Variants in TRERF1 observed in about 807,000 individuals in gnomAD.
The protein encoded by TRERF1 is transcriptional regulating factor 1.
Under a neutral mutation model 122.9 loss-of-function variants are expected in TRERF1, and 27 were observed. That is an observed-to-expected ratio of 0.22 (90% CI 0.16 to 0.30). TRERF1 has a LOEUF of 0.30. Ranked by LOEUF, TRERF1 falls within the 10% of genes least tolerant of loss-of-function variation. The probability of loss-of-function intolerance (pLI) is 1.00; values close to 1 mark genes in which losing one functional copy is unlikely to be tolerated. For synonymous variants in TRERF1, 636 were observed against 641.7 expected (o/e 0.99, Z 0.13); for missense variants, 1,248 against 1,560.3 (o/e 0.80, Z 3.37).
chr6:42,348,720 A>T (rs1360690464), intron 3 of TRERF1, among the ~76,000 whole-genome samples: 1 of 152,226 alleles, frequency 6.6e-6, no homozygotes, highest in East Asian at 1.9e-4. Flanking sequence ...ATATTCACTA[A>T]GTATGAGCAG....
intron 3 of TRERF1, among the ~76,000 whole-genome samples, chr6:42,346,600 G>A (rs1054644329): frequency 1.3e-5 from 2 of 152,136 alleles, no homozygotes; most frequent in Non-Finnish European, 1.5e-5. Flanking sequence ...GGAGGAAAGA[G>A]GCCAAGTCAA....
intron 2 of TRERF1, among the ~76,000 whole-genome samples, chr6:42,391,164 A>T (rs1777673199): frequency 6.6e-6 from 1 of 152,216 alleles, no homozygotes; most frequent in South Asian, 2.1e-4. Flanking sequence ...CATCTCCCAG[A>T]ACAGGGCTTT....
chr6:42,350,479 C>A (rs2150817927), intron 3 of TRERF1, among the ~76,000 whole-genome samples: 1 of 152,320 alleles, frequency 6.6e-6, no homozygotes, highest in East Asian at 1.9e-4. Context: ...CAGATGCCAC[C>A]TCTCAGCCTG....
intron 2 of TRERF1, among the ~76,000 whole-genome samples, chr6:42,365,139 C>T (rs530639666): frequency 1.6e-4 from 25 of 152,240 alleles, no homozygotes; most frequent in African/African-American, 5.5e-4. Flanking sequence ...CTGGGGTGCA[C>T]GTCCCACTGT....
At chr6:42,233,903 C>A (rs1260722176) in intron 16 of TRERF1, among the ~76,000 whole-genome samples, 1 of 152,124 alleles carries the variant, frequency 6.6e-6, no homozygotes, top group Non-Finnish European at 1.5e-5. Context: ...ATGTTTAAGA[C>A]CCCCAAATTT....
chr6:42,265,949 C>T (rs1457318971), intron 5 of TRERF1, 152 bp from the exon 6 acceptor site: 1 of 767,648 alleles, frequency 1.3e-6, no homozygotes, highest in Non-Finnish European at 2.2e-6. Flanking sequence ...CCACTCACTC[C>T]CTCACTCTTC....
chr6:42,316,480 A>G (rs1762520626), intron 3 of TRERF1, among the ~76,000 whole-genome samples: 1 of 152,206 alleles, frequency 6.6e-6, no homozygotes, highest in Admixed American at 6.5e-5. Flanking sequence ...TGTGTGCACA[A>G]GCAGGCAGAC....
Position 42,228,590 on chromosome 6 carries a change from G to C in TRERF1, c.3358C>G (p.Gln1120Glu). 6.2e-7 allele frequency: 1 copy of C among 1,614,212 alleles called. No homozygotes were observed. Among genetic ancestry groups the C allele is most frequent in the African/African-American group, 1.3e-5 (1 of 75,060 alleles). ...ATCTCAGCTGCAAAAGCCGCCTTCT[G>C]AGCCTTTTGCCTCTGTTGTTCCTCC... is the stretch of plus-strand genomic sequence containing the variant. Residue 1120 changes from glutamine (Q) to glutamate (E), a missense_variant, in exon 18 of 18, where the codon CAG becomes GAG. Transcript: ENST00000372922. This position sits in a 1 kb window ranked among gnomAD's most constrained non-coding sequence, Gnocchi z 4.2.
At chr6:42,271,966 G>C (rs1780294897) in intron 4 of TRERF1, among the ~76,000 whole-genome samples, 1 of 152,162 alleles carries the variant, frequency 6.6e-6, no homozygotes, top group Non-Finnish European at 1.5e-5. Flanking sequence ...CTATTAAAGA[G>C]GGTGTTCATG....
At chr6:42,225,387 T>C (rs1769383199) in exon 18 of TRERF1, 1 of 152,010 alleles carries the variant, frequency 6.6e-6, no homozygotes, top group South Asian at 2.1e-4. Context: ...GGAAGAAACA[T>C]TTTTAGCAAA....
chr6:42,243,740 C>G (rs563784858), intron 14 of TRERF1, among the ~76,000 whole-genome samples: 1 of 151,982 alleles, frequency 6.6e-6, no homozygotes, highest in East Asian at 1.9e-4. Flanking sequence ...GCCACCATGC[C>G]CGGCTAATTT....
At chr6:42,376,941 C>G (rs1313491696) in intron 2 of TRERF1, among the ~76,000 whole-genome samples, 1 of 152,002 alleles carries the variant, frequency 6.6e-6, no homozygotes, top group African/African-American at 2.4e-5. Flanking sequence ...TCTGAGCTTA[C>G]TGCAACATCT....
intron 3 of TRERF1, among the ~76,000 whole-genome samples, chr6:42,339,089 CGAA>C (rs1300594379): frequency 1.3e-5 from 2 of 152,172 alleles, no homozygotes; most frequent in African/African-American, 4.8e-5. Context: ...AGCCAAAACA[CGAA>C]GAAGGGCAAA....
chr6:42,373,007 A>C (rs1174491504), intron 2 of TRERF1, among the ~76,000 whole-genome samples: 1 of 152,224 alleles, frequency 6.6e-6, no homozygotes, highest in African/African-American at 2.4e-5. Context: ...ATTTTTCCTC[A>C]GTAACAGGAT....
At chr6:42,300,089 T>C (rs1415399094) in intron 4 of TRERF1, among the ~76,000 whole-genome samples, 1 of 152,178 alleles carries the variant, frequency 6.6e-6, no homozygotes, top group African/African-American at 2.4e-5. Flanking sequence ...TCAAACCCAG[T>C]GAGAGAGGCA....
At chr6:42,233,010 T>G in intron 16 of TRERF1, 82 bp from the exon 17 acceptor site, 32 of 1,405,906 alleles carry the variant, frequency 2.3e-5, no homozygotes, top group Non-Finnish European at 2.9e-5. Flanking sequence ...GCACAAGGGT[T>G]TTATATAAGC....
chr6:42,415,142 T>C (rs1454110646), intron 2 of TRERF1, among the ~76,000 whole-genome samples: 2 of 152,238 alleles, frequency 1.3e-5, no homozygotes, highest in African/African-American at 4.8e-5. Flanking sequence ...GTACTTTTTA[T>C]TATAAGAGGG....
intron 3 of TRERF1, among the ~76,000 whole-genome samples, chr6:42,332,846 G>A (rs955114103): frequency 2.0e-5 from 3 of 151,986 alleles, no homozygotes; most frequent in Non-Finnish European, 4.4e-5. Flanking sequence ...GGTATGAGGA[G>A]GGTCTTCTAC....
intron 4 of TRERF1, among the ~76,000 whole-genome samples, chr6:42,277,926 A>AGAAGAAGAAGAAGAG (rs1781530409): frequency 7.1e-6 from 1 of 140,774 alleles, no homozygotes; most frequent in Non-Finnish European, 1.5e-5. Context: ...AAGAAGAAGA[A>AGAAGAAGAAGAAGAG]GAAGAAGAAG....
Sources: allele counts gnomAD v4.1 joint callset (sites outside exome capture counted in the v4.1 genomes callset), GRCh38; gene constraint gnomAD v4.1.1; non-coding constraint Gnocchi (gnomAD v3.1); transcripts MANE v1.5; gene names NCBI Gene and HGNC (gene_info 2026-07-23, HGNC 2026-07-21).